Variants in CUBN observed in about 807,000 individuals in gnomAD.
CUBN encodes the protein cubilin, also known as 460 kDa receptor.
A neutral mutation model predicts 405.3 loss-of-function variants in CUBN; 282 were observed. That is an observed-to-expected ratio of 0.70 (90% CI 0.63 to 0.77). The LOEUF (loss-of-function observed/expected upper bound fraction) is 0.77. Ranked by LOEUF, CUBN falls within the 30% of genes least tolerant of loss-of-function variation. The pLI is 0.00. For missense variants in CUBN, 4,514 were observed against 4,475.2 expected, an observed-to-expected ratio of 1.01 and a Z score of -0.25; for synonymous variants, 1,684 against 1,617.0, an observed-to-expected ratio of 1.04 and a Z score of -0.99.
At chr10:17,050,574 G>T (rs928634444) in intron 22 of CUBN, among the ~76,000 whole-genome samples, 3 of 152,226 alleles carry the variant, frequency 2.0e-5, no homozygotes, top group Non-Finnish European at 2.9e-5. Flanking sequence ...GAATACATAA[G>T]GTGAGACTTC....
chr10:16,889,935 C>CAAAAAAAAAAAAAAAAAA lies in CUBN; in HGVS notation c.8755+418_8755+435dup, dbSNP rs1554788544. 1.9e-3 allele frequency among the ~76,000 whole-genome samples: 38 copies of CAAAAAAAAAAAAAAAAAA among 19,902 alleles called. 11 individuals are homozygous for CAAAAAAAAAAAAAAAAAA. Among genetic ancestry groups the CAAAAAAAAAAAAAAAAAA allele is most frequent in the African/African-American group, 7.0e-3 (34 of 4,826 alleles). The allele number at this position is 19,902 out of a possible 152,430, so 13.1% of individuals were successfully genotyped here. ...CTGGCGACAGAGTGAGACGCCGTGT[C>CAAAAAAAAAAAAAAAAAA]AAAAAAAAAAAAAAAAAACAGGAAA... On this transcript the variant is annotated intron_variant, in intron 55 of 66. Coordinates refer to ENST00000377833, the MANE Select transcript of CUBN (RefSeq NM_001081.4).
intron 22 of CUBN, among the ~76,000 whole-genome samples, chr10:17,055,212 T>A: frequency 6.6e-6 from 1 of 151,560 alleles, no homozygotes; most frequent in East Asian, 1.9e-4. Flanking sequence ...TGCAGAAAAA[T>A]TCAACACCTA....
chr10:16,999,453 G>T (rs1431762717), intron 28 of CUBN, among the ~76,000 whole-genome samples: 1 of 152,154 alleles, frequency 6.6e-6, no homozygotes, highest in Middle Eastern at 3.2e-3. Flanking sequence ...ATTAAAAAAT[G>T]GTTTCCCAGT....
intron 17 of CUBN, among the ~76,000 whole-genome samples, chr10:17,081,256 C>T (rs1037795130): frequency 3.9e-5 from 6 of 152,164 alleles, no homozygotes; most frequent in African/African-American, 1.4e-4. Context: ...AACCAAGGCA[C>T]CTAAAACCAC....
At chr10:17,046,752 T>C (rs1020549229) in intron 23 of CUBN, among the ~76,000 whole-genome samples, 2 of 152,134 alleles carry the variant, frequency 1.3e-5, no homozygotes, top group Non-Finnish European at 1.5e-5. Flanking sequence ...AGAATAACAT[T>C]TATAATACAT....
rs534881265 is a variant in CUBN at position 17,102,677 on chromosome 10, G to T, written c.1530+448C>A. On this transcript the variant is annotated intron_variant, in intron 13 of 66. Coordinates refer to ENST00000377833, the MANE Select transcript of CUBN (RefSeq NM_001081.4). ...GCTGGAGTACAGTGGCACTGTCTCT[G>T]CTCACTACAAACTCCGCCTCCTGGA... is the stretch of plus-strand genomic sequence containing the variant. 3.3e-3 allele frequency among the ~76,000 whole-genome samples: 447 copies of T among 136,934 alleles called. 3 individuals are homozygous for T. Among genetic ancestry groups the T allele is most frequent in the African/African-American group, 0.012 (423 of 34,984 alleles). The allele number at this position is 136,934 out of a possible 152,430, so 89.8% of individuals were successfully genotyped here.
rs899880040 is a variant in CUBN, at chr10:16,874,765, A to G, written c.9107-262T>C. 3.3e-5 allele frequency among the ~76,000 whole-genome samples: 5 copies of G among 152,314 alleles called. No homozygotes were observed. In the East Asian group the frequency reaches 9.7e-4, roughly 29 times the overall value. On this transcript the variant is annotated intron_variant, in intron 57 of 66. Coordinates refer to ENST00000377833, the MANE Select transcript of CUBN (RefSeq NM_001081.4). The stretch of plus-strand genomic sequence containing the variant: ...TCTTGGAAAGGAATCAGTCTGAGTC[A>G]AATTAATGGCCAGAGTGAAAATGAC...
intron 65 of CUBN, among the ~76,000 whole-genome samples, chr10:16,829,928 G>GTTTT (rs140936674): frequency 6.9e-6 from 1 of 145,256 alleles, no homozygotes. Context: ...TTCATGGTGG[G>GTTTT]TTTTTTTTGT....
rs1564372905 is a variant in CUBN, at chr10:16,828,788, A to G, written c.10764+17T>C. ...TAAAAATAACAAATGGGAATATAAA[A>G]TGTTTGTTTTACTCACGCCTCCGCA... On this transcript the variant is annotated intron_variant, in intron 66 of 66. Transcript: ENST00000377833. 6.4e-7 allele frequency: 1 copy of G among 1,550,616 alleles called. No individual in the cohort carries two copies. Among genetic ancestry groups the G allele is most frequent in the Non-Finnish European group, 8.9e-7 (1 of 1,122,554 alleles).
chr10:16,973,456 A>G (rs1832997983), intron 31 of CUBN, among the ~76,000 whole-genome samples: 1 of 152,214 alleles, frequency 6.6e-6, no homozygotes, highest in African/African-American at 2.4e-5. Context: ...GCCCAGAATT[A>G]CAGACGGCAA....
At chr10:17,064,341 T>C (rs1835565583) in intron 22 of CUBN, among the ~76,000 whole-genome samples, 1 of 152,036 alleles carries the variant, frequency 6.6e-6, no homozygotes, top group African/African-American at 2.4e-5. Context: ...GGAAATTGGG[T>C]AAGATTTTGA....
At chr10:16,955,327 C>T (rs960364567) in intron 31 of CUBN, among the ~76,000 whole-genome samples, 3 of 143,874 alleles carry the variant, frequency 2.1e-5, no homozygotes, top group African/African-American at 7.7e-5. Flanking sequence ...GAGCTGAGAT[C>T]CCACCACTGC....
At chr10:16,879,405 A>G (rs770629189) in intron 56 of CUBN, among the ~76,000 whole-genome samples, 3 of 152,204 alleles carry the variant, frequency 2.0e-5, no homozygotes, top group Non-Finnish European at 2.9e-5. Flanking sequence ...ACATATATCT[A>G]ATGATCCACA....
In CUBN at chr10:17,065,612, G is replaced by T; in HGVS notation, c.3035C>A (p.Ser1012Tyr). 6.2e-7 allele frequency: 1 copy of T among 1,613,566 alleles called. No homozygotes were observed. Among genetic ancestry groups the T allele is most frequent in the Non-Finnish European group, 8.5e-7 (1 of 1,179,598 alleles). ...GRYCGKSIPP[S>Y]LTSSGNSLML... ...CAATGAGTTACCACTGCTTGTGAGA[G>T]ATGGCGGGATCGACTTTCCACAGTA... Residue 1012 changes from serine (S) to tyrosine (Y), a missense_variant, in exon 22 of 67, where the codon TCT (serine) becomes TAT (tyrosine). Ser to Tyr is a moderately radical substitution (Grantham distance 144). Transcript: ENST00000377833.
At chr10:16,940,802 A>T (rs184728550) in intron 36 of CUBN, among the ~76,000 whole-genome samples, 4 of 152,300 alleles carry the variant, frequency 2.6e-5, no homozygotes, top group Admixed American at 2.6e-4. Flanking sequence ...TAAATAATAA[A>T]AAAAAAGAAA....
At chr10:16,998,442 G>A (rs186924091) in intron 28 of CUBN, among the ~76,000 whole-genome samples, 8 of 152,304 alleles carry the variant, frequency 5.3e-5, no homozygotes, top group Admixed American at 5.2e-4. Flanking sequence ...GAAGCAGCAA[G>A]GAAGGGTCTT....
chr10:17,056,909 A>G (rs1835408955), intron 22 of CUBN, among the ~76,000 whole-genome samples: 1 of 152,200 alleles, frequency 6.6e-6, no homozygotes, highest in Non-Finnish European at 1.5e-5. Flanking sequence ...ACCTCACAAA[A>G]GAAAATAAAT....
rs536223660 is a variant in CUBN, at chr10:16,869,561, G to T, written c.9454+75C>A. 52 of 984,090 alleles carry T rather than the reference G, an allele frequency of 5.3e-5. No homozygotes were observed. The East Asian group carries it at 1.2e-3, about 23-fold the overall frequency. 61.0% of individuals were successfully genotyped at this position (984,090 alleles called of 1,614,324 possible). On this transcript the variant is annotated intron_variant, in intron 59 of 66. Coordinates refer to ENST00000377833, the MANE Select transcript of CUBN (RefSeq NM_001081.4). Reference sequence around the variant, plus strand: ...GCAATCATAATCAGGTGGGGGTGGGGGGGGGGCGGGGAAATTAAATAAAGC... The same window carrying T: ...GCAATCATAATCAGGTGGGGGTGGGTGGGGGGCGGGGAAATTAAATAAAGC...
At chr10:16,954,266 A>G (rs138680191) in intron 32 of CUBN, 123 bp downstream of exon 32, 1 of 1,131,608 alleles carries the variant, frequency 8.8e-7, no homozygotes, top group Non-Finnish European at 1.3e-6. Flanking sequence ...TGTTCTATTT[A>G]ATTTTTTACA....
Sources: gnomAD v4.1 joint callset for allele counts (sites outside exome capture counted in the v4.1 genomes callset) on GRCh38, gnomAD v4.1.1 for gene constraint, MANE v1.5 for transcripts, NCBI Gene and HGNC (gene_info 2026-07-23, HGNC 2026-07-21) for gene names.